The following DLG2 variants were observed in gnomAD, a reference collection of about 807,000 sequenced individuals.
DLG2 encodes disks large homolog 2.
In DLG2, 45 loss-of-function variants were observed where a neutral mutation model predicts 132.5. The observed-to-expected ratio is 0.34, with a 90% CI of 0.27 to 0.44. The LOEUF is 0.44. Among genes scored for constraint, DLG2 ranks in the 20% least tolerant of loss-of-function variants. DLG2 has a pLI of 1.00. For missense variants in DLG2, 1,045 were observed against 1,196.9 expected (o/e 0.87, Z 1.87); for synonymous variants, 424 against 419.6 (o/e 1.01, Z -0.13).
chr11:83,624,163 A>G (rs372023080), intron 19 of DLG2, among the ~76,000 whole-genome samples: 1 of 152,264 alleles, frequency 6.6e-6, no homozygotes, highest in East Asian at 1.9e-4. Context: ...GGCTCAGAAG[A>G]GGTTTTCTGG....
rs528450058 is a variant in DLG2 at position 83,548,646 on chromosome 11, A to T, written c.1941-6788T>A. 2.8e-4 allele frequency among the ~76,000 whole-genome samples: 43 copies of T among 152,258 alleles called. No homozygotes were observed. In the South Asian group the frequency reaches 8.5e-3, roughly 30 times the overall value. Reference sequence around the variant, plus strand: ...ACATTTATGTAATTCCATCTCATTGAATCCCTGTAAACAGTTTGAGATATA... The same window carrying T: ...ACATTTATGTAATTCCATCTCATTGTATCCCTGTAAACAGTTTGAGATATA... On this transcript the variant is annotated intron_variant, in intron 19 of 27. Coordinates refer to ENST00000376104, the MANE Select transcript of DLG2 (RefSeq NM_001142699.3).
intron 12 of DLG2, among the ~76,000 whole-genome samples, chr11:83,978,651 C>T (rs951318122): frequency 6.6e-6 from 1 of 152,112 alleles, no homozygotes; most frequent in African/African-American, 2.4e-5. Flanking sequence ...CAGCCCACAA[C>T]TGTTAACTTT....
chr11:84,444,282 G>T (rs1209132133), intron 7 of DLG2, among the ~76,000 whole-genome samples: 6 of 152,086 alleles, frequency 3.9e-5, no homozygotes, highest in Admixed American at 3.9e-4. Context: ...CTTATATCTA[G>T]GTGATGGGTT....
intron 21 of DLG2, among the ~76,000 whole-genome samples, chr11:83,521,762 A>G (rs572110748): frequency 1.3e-3 from 204 of 152,072 alleles, no homozygotes; most frequent in South Asian, 4.6e-3. Context: ...CCTACATGCC[A>G]TTGCCATCTG....
At chr11:84,813,734 C>A (rs2076817526) in intron 6 of DLG2, among the ~76,000 whole-genome samples, 1 of 152,044 alleles carries the variant, frequency 6.6e-6, no homozygotes. Flanking sequence ...CATGGTTCTC[C>A]TGGATTCTTT....
chr11:83,885,898 T>C (rs935061259), intron 15 of DLG2, among the ~76,000 whole-genome samples: 18 of 152,222 alleles, frequency 1.2e-4, no homozygotes, highest in East Asian at 5.8e-4. Flanking sequence ...AAGCAAATGC[T>C]GAGATATTTT....
intron 19 of DLG2, among the ~76,000 whole-genome samples, chr11:83,627,589 AC>A (rs1293540858): frequency 6.6e-6 from 1 of 152,150 alleles, no homozygotes; most frequent in Non-Finnish European, 1.5e-5. Context: ...TATATGTGCC[AC>A]CTTTTCTTAA....
intron 7 of DLG2, among the ~76,000 whole-genome samples, chr11:84,372,664 T>C (rs1323031384): frequency 1.3e-5 from 2 of 152,196 alleles, no homozygotes; most frequent in Non-Finnish European, 2.9e-5. Context: ...GTGTTATAAA[T>C]ATACATTTCT....
chr11:83,699,911 A>G (rs559749501), intron 18 of DLG2, among the ~76,000 whole-genome samples: 2 of 144,548 alleles, frequency 1.4e-5, no homozygotes, highest in South Asian at 4.5e-4. Context: ...GTATGTATCT[A>G]TCTTATCTAT....
chr11:85,339,292 T>C (rs192517094), intron 3 of DLG2, among the ~76,000 whole-genome samples: 4 of 152,358 alleles, frequency 2.6e-5, no homozygotes, highest in African/African-American at 9.6e-5. Context: ...CAATTTTTTA[T>C]AATTAGAAAC....
chr11:84,663,968 A>C (rs1286828387), intron 6 of DLG2, among the ~76,000 whole-genome samples: 1 of 152,198 alleles, frequency 6.6e-6, no homozygotes, highest in Non-Finnish European at 1.5e-5. Context: ...ACCTGTTTTG[A>C]AATCCTAGGC....
At chr11:85,263,235 C>T (rs2077035272) in intron 4 of DLG2, among the ~76,000 whole-genome samples, 1 of 152,146 alleles carries the variant, frequency 6.6e-6, no homozygotes, top group Admixed American at 6.5e-5. Flanking sequence ...AATCCAGGTA[C>T]AAGAGGAAAA....
intron 7 of DLG2, among the ~76,000 whole-genome samples, chr11:84,395,647 A>G (rs1406509194): frequency 6.6e-6 from 1 of 152,190 alleles, no homozygotes; most frequent in African/African-American, 2.4e-5. Context: ...TTTCTGCCTG[A>G]CAATGCTTAA....
chr11:85,476,887 A>G (rs1385098651), intron 3 of DLG2, among the ~76,000 whole-genome samples: 1 of 152,124 alleles, frequency 6.6e-6, no homozygotes, highest in African/African-American at 2.4e-5. Flanking sequence ...CTCTAAAATA[A>G]TAATAAAAAG....
chr11:84,745,642 T>G (rs4505088), intron 6 of DLG2, among the ~76,000 whole-genome samples: 127,621 of 152,162 alleles, frequency 0.84, 54,260 homozygotes, highest in Middle Eastern at 0.93. Flanking sequence ...AAAGGCGGGA[T>G]AGCTCCTCTA....
chr11:85,614,535 G>A (rs1250863440), intron 2 of DLG2, among the ~76,000 whole-genome samples: 1 of 152,176 alleles, frequency 6.6e-6, no homozygotes, highest in Non-Finnish European at 1.5e-5. Context: ...AGCTACTCAG[G>A]AGGCTGAGGC....
At chr11:85,169,168 G>C (rs1334818256) in intron 4 of DLG2, among the ~76,000 whole-genome samples, 1 of 152,040 alleles carries the variant, frequency 6.6e-6, no homozygotes, top group Non-Finnish European at 1.5e-5. Flanking sequence ...TTGTTGTACT[G>C]TATTTTTATT....
At chr11:85,584,542 T>C (rs1055638600) in intron 3 of DLG2, among the ~76,000 whole-genome samples, 1 of 152,182 alleles carries the variant, frequency 6.6e-6, no homozygotes, top group East Asian at 1.9e-4. Context: ...GATTGCTGGA[T>C]CAAATGATAG....
At chr11:84,945,210 G>GT (rs1309820676) in intron 6 of DLG2, among the ~76,000 whole-genome samples, 6 of 152,132 alleles carry the variant, frequency 3.9e-5, no homozygotes, top group African/African-American at 1.4e-4. Flanking sequence ...GTATTCAAAG[G>GT]TAACTGACTA....
Sources: allele counts gnomAD v4.1 joint callset (sites outside exome capture counted in the v4.1 genomes callset), GRCh38; gene constraint gnomAD v4.1.1; transcripts MANE v1.5; gene names NCBI Gene and HGNC (gene_info 2026-07-23, HGNC 2026-07-21).